Variants in C8orf34 observed in about 807,000 individuals in gnomAD.
The protein encoded by C8orf34 is uncharacterized protein C8orf34.
In C8orf34, 65 loss-of-function variants were observed where a neutral mutation model predicts 68.3. That is an observed-to-expected ratio of 0.95 (90% CI 0.78 to 1.17). The LOEUF is 1.17. Among genes scored for constraint, C8orf34 ranks in the 50% most tolerant of loss-of-function variants. The probability of loss-of-function intolerance (pLI) is 0.00; values close to 1 mark genes in which losing one functional copy is unlikely to be tolerated. For synonymous variants in C8orf34, 244 were observed against 241.2 expected, an observed-to-expected ratio of 1.01 and a Z score of -0.11; for missense variants, 664 against 655.4, an observed-to-expected ratio of 1.01 and a Z score of -0.14.
chr8:68,497,837 G>C (rs1011909715), intron 5 of C8orf34, among the ~76,000 whole-genome samples: 1 of 151,816 alleles, frequency 6.6e-6, no homozygotes, highest in African/African-American at 2.4e-5. Flanking sequence ...TTTTTGGGGG[G>C]AGATGGGGGG....
chr8:68,485,532 T>C (rs1423963668), intron 4 of C8orf34, among the ~76,000 whole-genome samples: 1 of 151,762 alleles, frequency 6.6e-6, no homozygotes, highest in African/African-American at 2.4e-5. Context: ...GTCAACATGG[T>C]GAAACCCCGT....
At chr8:68,342,740 T>C (rs1347455589) in intron 1 of C8orf34, among the ~76,000 whole-genome samples, 1 of 152,154 alleles carries the variant, frequency 6.6e-6, no homozygotes, top group Non-Finnish European at 1.5e-5. Flanking sequence ...GTCTCAGTTA[T>C]CAGATTGACT....
chr8:68,621,693 C>T (rs1337643339), intron 7 of C8orf34, among the ~76,000 whole-genome samples: 1 of 152,130 alleles, frequency 6.6e-6, no homozygotes, highest in African/African-American at 2.4e-5. Context: ...GGAATCTTAA[C>T]TGTTTTTCTT....
chr8:68,511,863 A>G (rs2129633376), intron 5 of C8orf34, among the ~76,000 whole-genome samples: 1 of 152,348 alleles, frequency 6.6e-6, no homozygotes, highest in South Asian at 2.1e-4. Context: ...TTGACTCTGA[A>G]AAACAAAATA....
intron 7 of C8orf34, among the ~76,000 whole-genome samples, chr8:68,565,613 A>G (rs566327744): frequency 6.7e-6 from 1 of 148,404 alleles, no homozygotes; most frequent in Non-Finnish European, 1.5e-5. Context: ...GAATGAGTCC[A>G]TCTTTTGTGT....
At chr8:68,796,650 A>ATTTG (rs1276627379) in intron 12 of C8orf34, among the ~76,000 whole-genome samples, 1 of 152,196 alleles carries the variant, frequency 6.6e-6, no homozygotes, top group Admixed American at 6.5e-5. Flanking sequence ...GATCAAATAT[A>ATTTG]ATAAGCATCC....
At chr8:68,761,112 A>G (rs1005292077) in intron 10 of C8orf34, among the ~76,000 whole-genome samples, 3 of 152,252 alleles carry the variant, frequency 2.0e-5, no homozygotes, top group African/African-American at 7.2e-5. Flanking sequence ...AAGCAAGGCT[A>G]TCTGAATACT....
chr8:68,343,593 A>ATTTTT (rs71253080), intron 1 of C8orf34, among the ~76,000 whole-genome samples: 1 of 137,314 alleles, frequency 7.3e-6, no homozygotes, highest in East Asian at 2.2e-4. Flanking sequence ...TGCCTAGCTA[A>ATTTTT]TTTTTTTTTT....
chr8:68,402,448 C>T (rs1809002122), intron 1 of C8orf34, among the ~76,000 whole-genome samples: 1 of 151,926 alleles, frequency 6.6e-6, no homozygotes, highest in Non-Finnish European at 1.5e-5. Flanking sequence ...CTTCTGCTAA[C>T]TCTGGGTTTG....
At chr8:68,532,887 T>A (rs1309221347) in intron 6 of C8orf34, 96 bp from the exon 7 acceptor site, 1 of 821,004 alleles carries the variant, frequency 1.2e-6, no homozygotes, top group East Asian at 2.8e-5. Context: ...TTTAGTAACA[T>A]GTCCACATAC....
At chr8:68,576,393 A>G (rs1230239038) in intron 7 of C8orf34, among the ~76,000 whole-genome samples, 3 of 151,646 alleles carry the variant, frequency 2.0e-5, no homozygotes, top group Non-Finnish European at 4.4e-5. Context: ...ATGGTGCAAA[A>G]TTAGGAATGG....
At chr8:68,466,793 T>A (rs928405081) in intron 3 of C8orf34, among the ~76,000 whole-genome samples, 2 of 141,032 alleles carry the variant, frequency 1.4e-5, no homozygotes, top group Non-Finnish European at 3.1e-5. Flanking sequence ...ATGATGACTT[T>A]ACCAGACATA....
chr8:68,808,128 G>A (rs1161616799), intron 12 of C8orf34, among the ~76,000 whole-genome samples: 3 of 152,090 alleles, frequency 2.0e-5, no homozygotes. Flanking sequence ...TCATTATCTG[G>A]GATATTGGCC....
intron 5 of C8orf34, among the ~76,000 whole-genome samples, chr8:68,504,568 G>A (rs1813920616): frequency 6.6e-6 from 1 of 151,930 alleles, no homozygotes; most frequent in South Asian, 2.1e-4. Context: ...CACCCAGGCT[G>A]GAGTGCAATG....
chr8:68,398,775 G>T (rs912954619), intron 1 of C8orf34, among the ~76,000 whole-genome samples: 9 of 152,120 alleles, frequency 5.9e-5, no homozygotes, highest in African/African-American at 1.9e-4. Context: ...AGATATTCAT[G>T]CTATATTTGG....
At chr8:68,814,419 A>G (rs1029564678) in intron 12 of C8orf34, among the ~76,000 whole-genome samples, 2 of 152,232 alleles carry the variant, frequency 1.3e-5, no homozygotes, top group African/African-American at 4.8e-5. Flanking sequence ...GAACACTAGA[A>G]CAAAAATACA....
intron 12 of C8orf34, among the ~76,000 whole-genome samples, chr8:68,809,375 A>G (rs1002748382): frequency 6.6e-6 from 1 of 152,182 alleles, no homozygotes; most frequent in African/African-American, 2.4e-5. Context: ...TACAGGGGAA[A>G]GGTTTTATAG....
intron 4 of C8orf34, among the ~76,000 whole-genome samples, chr8:68,475,083 G>A (rs1051993075): frequency 3.3e-5 from 5 of 152,180 alleles, no homozygotes; most frequent in Middle Eastern, 3.4e-3. Flanking sequence ...TTTATGCACC[G>A]CACTCCCTCG....
intron 11 of C8orf34, among the ~76,000 whole-genome samples, chr8:68,781,205 C>T (rs376615368): frequency 5.1e-4 from 78 of 152,220 alleles, no homozygotes; most frequent in African/African-American, 1.7e-3. Flanking sequence ...TTCAGGGCCA[C>T]ATATGATAAA....
Sources: gnomAD v4.1 joint callset for allele counts (sites outside exome capture counted in the v4.1 genomes callset) on GRCh38, gnomAD v4.1.1 for gene constraint, MANE v1.5 for transcripts, NCBI Gene and HGNC (gene_info 2026-07-23, HGNC 2026-07-21) for gene names.